ROBO2: variants seen among roughly 807,000 people sequenced by gnomAD.
ROBO2 encodes the protein roundabout guidance receptor 2.
ROBO2 carries 53 observed loss-of-function variants against 160.8 expected under a neutral mutation model. That is an observed-to-expected ratio of 0.33 (90% CI 0.26 to 0.41). The LOEUF is 0.41. ROBO2 is among the 10% of genes least tolerant of loss of function. ROBO2 has a pLI of 1.00. For synonymous variants in ROBO2, 664 were observed against 611.7 expected (o/e 1.09, Z -1.26); for missense variants, 1,577 against 1,722.4 (o/e 0.92, Z 1.49).
chr3:76,367,558 A>G (rs1189167068), intron 2 of ROBO2, among the ~76,000 whole-genome samples: 2 of 151,930 alleles, frequency 1.3e-5, no homozygotes, highest in Admixed American at 6.6e-5. Context: ...CTCACACTCA[A>G]TGTTATTTAA....
chr3:76,661,815 G>T (rs1169648168), intron 2 of ROBO2, among the ~76,000 whole-genome samples: 2 of 152,170 alleles, frequency 1.3e-5, no homozygotes, highest in Non-Finnish European at 2.9e-5. Flanking sequence ...CTGCTGAAAA[G>T]ACCTAATAAG....
intron 2 of ROBO2, among the ~76,000 whole-genome samples, chr3:76,453,117 C>G (rs952280547): frequency 6.6e-6 from 1 of 152,074 alleles, no homozygotes; most frequent in Non-Finnish European, 1.5e-5. Flanking sequence ...TTCTCCCATT[C>G]TGTAGGCTGC....
At chr3:76,786,531 C>G (rs111324477) in intron 2 of ROBO2, among the ~76,000 whole-genome samples, 2,509 of 151,284 alleles carry the variant, frequency 0.017, 30 homozygotes, top group Non-Finnish European at 0.022. Flanking sequence ...TTTGAGAACT[C>G]TATCATGAGA....
At chr3:77,081,848 C>A (rs1025549387) in intron 1 of ROBO2, among the ~76,000 whole-genome samples, 1 of 152,146 alleles carries the variant, frequency 6.6e-6, no homozygotes, top group African/African-American at 2.4e-5. Context: ...TCCCCAAACT[C>A]CAATGCTTGG....
intron 2 of ROBO2, among the ~76,000 whole-genome samples, chr3:76,072,545 CT>C (rs1427671077): frequency 5.9e-5 from 9 of 151,928 alleles, no homozygotes; most frequent in African/African-American, 2.2e-4. Flanking sequence ...GAAACTTATA[CT>C]AAATTAAAGC....
chr3:76,050,735 C>A (rs142875035), intron 2 of ROBO2, among the ~76,000 whole-genome samples: 1 of 152,198 alleles, frequency 6.6e-6, no homozygotes, highest in African/African-American at 2.4e-5. Context: ...GTTTCCAGAT[C>A]TTCTTTGCCT....
chr3:76,642,723 G>T (rs573917780), intron 2 of ROBO2, among the ~76,000 whole-genome samples: 2 of 152,190 alleles, frequency 1.3e-5, no homozygotes, highest in African/African-American at 2.4e-5. Flanking sequence ...CATGGAAAAA[G>T]AAGTGAGTAC....
chr3:77,473,114 G>C (rs1283836988), intron 2 of ROBO2, among the ~76,000 whole-genome samples: 2 of 152,036 alleles, frequency 1.3e-5, no homozygotes, highest in African/African-American at 4.8e-5. Flanking sequence ...ATGAGCTTGA[G>C]GATGCGGTGT....
In ROBO2 at chr3:76,232,891, G is replaced by A. The variant is rs1704706634; in HGVS notation, c.109+295289G>A. ...AGCCTTTTATCTCACAGAGAAAATAGATAGCAATATGCTCAGCCACCAGCT... is the reference window on the plus strand; with the variant it reads ...AGCCTTTTATCTCACAGAGAAAATAAATAGCAATATGCTCAGCCACCAGCT... On this transcript the variant is annotated intron_variant, in intron 2 of 26. Transcript: ENST00000487694. Among the ~76,000 whole-genome samples, 3 of 152,210 alleles carry A rather than the reference G, an allele frequency of 2.0e-5. No individual in the cohort carries two copies. In the South Asian group the frequency reaches 6.2e-4, roughly 32 times the overall value.
chr3:76,095,708 C>A (rs1390508734), intron 2 of ROBO2, among the ~76,000 whole-genome samples: 2 of 151,016 alleles, frequency 1.3e-5, no homozygotes, highest in Non-Finnish European at 2.9e-5. Flanking sequence ...GTGTGTATGG[C>A]ACATATATTA....
At position 76,046,102 on chromosome 3, in the gene ROBO2, A is replaced by G. The variant is rs1559863949; in HGVS notation, c.109+108500A>G. Among the ~76,000 whole-genome samples the G allele has an allele frequency of 5.3e-5, 8 of 151,862 alleles. No individual in the cohort carries two copies. In the South Asian group the frequency reaches 1.7e-3, roughly 31 times the overall value. On this transcript the variant is annotated intron_variant, in intron 2 of 26. Transcript: ENST00000487694. ...CATCTTTATCCAGCTCCTGCTTTTCATATGAGGATGTTTGTGCTACATGCA... is the reference window on the plus strand; with the variant it reads ...CATCTTTATCCAGCTCCTGCTTTTCGTATGAGGATGTTTGTGCTACATGCA...
intron 2 of ROBO2, among the ~76,000 whole-genome samples, chr3:77,011,104 T>G (rs935849515): frequency 8.2e-6 from 1 of 122,260 alleles, no homozygotes; most frequent in Non-Finnish European, 1.8e-5. Context: ...TCTATCTTTC[T>G]TCTTTCTTTC....
intron 1 of ROBO2, among the ~76,000 whole-genome samples, chr3:75,932,550 T>C (rs1279369076): frequency 6.6e-6 from 1 of 152,216 alleles, no homozygotes; most frequent in African/African-American, 2.4e-5. Flanking sequence ...CAGCACATTT[T>C]AGCAGGCATC....
At chr3:76,166,517 C>T (rs2072845644) in intron 2 of ROBO2, among the ~76,000 whole-genome samples, 1 of 152,060 alleles carries the variant, frequency 6.6e-6, no homozygotes, top group Admixed American at 6.6e-5. Context: ...TTTCCCATTT[C>T]TCTACAACGA....
intron 2 of ROBO2, among the ~76,000 whole-genome samples, chr3:76,795,419 T>G (rs573273729): frequency 6.6e-6 from 1 of 152,294 alleles, no homozygotes; most frequent in East Asian, 1.9e-4. Flanking sequence ...TTTGGTCAAC[T>G]AATTTTATGT....
At chr3:77,182,252 A>G (rs1021941827) in intron 2 of ROBO2, among the ~76,000 whole-genome samples, 2 of 152,130 alleles carry the variant, frequency 1.3e-5, no homozygotes, top group Non-Finnish European at 2.9e-5. Context: ...GGTGGTGGAA[A>G]AAGCCAAATA....
chr3:76,705,803 T>G (rs1432963437), intron 2 of ROBO2, among the ~76,000 whole-genome samples: 2 of 152,092 alleles, frequency 1.3e-5, no homozygotes. Flanking sequence ...TTGCATAAAG[T>G]TATTGATTAA....
At chr3:77,057,951 T>C (rs946470625) in intron 1 of ROBO2, among the ~76,000 whole-genome samples, 2 of 152,014 alleles carry the variant, frequency 1.3e-5, no homozygotes, top group Non-Finnish European at 2.9e-5. Flanking sequence ...GTAACAAAGC[T>C]GCACGTTCTG....
intron 2 of ROBO2, among the ~76,000 whole-genome samples, chr3:77,324,989 G>A (rs1240149423): frequency 6.6e-6 from 1 of 152,106 alleles, no homozygotes; most frequent in Non-Finnish European, 1.5e-5. Context: ...ATAATAACAG[G>A]ATGTCAGAGT....
Sources: allele counts gnomAD v4.1 joint callset (sites outside exome capture counted in the v4.1 genomes callset), GRCh38; gene constraint gnomAD v4.1.1; transcripts MANE v1.5; gene names NCBI Gene and HGNC (gene_info 2026-07-23, HGNC 2026-07-21).